The following BPTF variants were observed in gnomAD, a reference collection of about 807,000 sequenced individuals.
BPTF encodes bromodomain PHD finger transcription factor, also known as nucleosome-remodeling factor subunit BPTF.
In BPTF, 18 loss-of-function variants were observed where a neutral mutation model predicts 292.5. The observed-to-expected ratio is 0.06, with a 90% CI of 0.04 to 0.09. The LOEUF is 0.09. Ranked by LOEUF, BPTF falls within the 10% of genes least tolerant of loss-of-function variation. The pLI is 1.00. For synonymous variants in BPTF, 1,225 were observed against 1,251.9 expected, an observed-to-expected ratio of 0.98 and a Z score of 0.45; for missense variants, 2,726 against 3,498.7, an observed-to-expected ratio of 0.78 and a Z score of 5.57.
intron 4 of BPTF, among the ~76,000 whole-genome samples, chr17:67,890,741 CTTAA>C (rs1221215175): frequency 2.0e-5 from 3 of 152,184 alleles, no homozygotes; most frequent in African/African-American, 4.8e-5. Context: ...ACAAAATTGT[CTTAA>C]TTATTTTCCC....
At chr17:67,953,160 A>G (rs1457391234) in intron 23 of BPTF, among the ~76,000 whole-genome samples, 1 of 151,148 alleles carries the variant, frequency 6.6e-6, no homozygotes, top group Non-Finnish European at 1.5e-5. Flanking sequence ...ACGGGGTTTC[A>G]CCATGTTAGC....
In BPTF at chr17:67,825,838, G is replaced by T; in HGVS notation, c.114G>T (p.Gly38=). The change falls in exon 1 of 28, where the codon GGG becomes GGT. Residue 38 remains glycine (G), a synonymous_variant. Transcript: ENST00000306378. The part of the protein sequence containing the change: ...PPPPTSGPIG[G]LRSRHRGSSR... Reference sequence around the variant, plus strand: ...CGCCCACGTCCGGACCCATCGGGGGGCTCCGCTCGCGGCACCGCGGCAGCA... The same window carrying T: ...CGCCCACGTCCGGACCCATCGGGGGTCTCCGCTCGCGGCACCGCGGCAGCA... The T allele has an allele frequency of 9.8e-7, 1 of 1,016,490 alleles. No homozygotes were observed. The highest frequency in any genetic ancestry group is 1.2e-6 in the Non-Finnish European group (1 of 852,146). 63.0% of individuals were successfully genotyped at this position (1,016,490 alleles called of 1,614,324 possible).
chr17:67,979,269 C>T (rs4791212), intron 27 of BPTF, among the ~76,000 whole-genome samples: 29,366 of 150,420 alleles, frequency 0.2, 3,864 homozygotes, highest in East Asian at 0.67. Context: ...GACATTGGGC[C>T]GGGCACGGTG....
At chr17:67,937,631 G>C (rs1418201113) in intron 18 of BPTF, among the ~76,000 whole-genome samples, 4 of 152,102 alleles carry the variant, frequency 2.6e-5, no homozygotes, top group Non-Finnish European at 5.9e-5. Flanking sequence ...CCTGAGGCAG[G>C]AGTGGACCTG....
chr17:67,902,919 C>T (rs2061945871), intron 7 of BPTF, among the ~76,000 whole-genome samples: 1 of 152,202 alleles, frequency 6.6e-6, no homozygotes, highest in Non-Finnish European at 1.5e-5. Context: ...GAGCTCCTTT[C>T]TTTGTAGGTT....
intron 18 of BPTF, among the ~76,000 whole-genome samples, chr17:67,933,610 A>G (rs1022201536): frequency 1.3e-5 from 2 of 152,182 alleles, no homozygotes; most frequent in African/African-American, 4.8e-5. Context: ...GTTAAGGTAT[A>G]ATCTTGAATC....
chr17:67,955,100 T>C (rs1555680367), intron 23 of BPTF, among the ~76,000 whole-genome samples: 1 of 151,594 alleles, frequency 6.6e-6, no homozygotes, highest in Non-Finnish European at 1.5e-5. Flanking sequence ...CTATCCTGGC[T>C]AACATGGTGA....
chr17:67,828,926 G>T (rs1437350608), intron 1 of BPTF, among the ~76,000 whole-genome samples: 1 of 152,140 alleles, frequency 6.6e-6, no homozygotes, highest in East Asian at 1.9e-4. Context: ...TATTCCCCCT[G>T]CAGCTCCTGT....
At chr17:67,933,263 A>G (rs1026512816) in intron 18 of BPTF, among the ~76,000 whole-genome samples, 4 of 143,312 alleles carry the variant, frequency 2.8e-5, no homozygotes, top group African/African-American at 1.0e-4. Flanking sequence ...CGTCTGAAGG[A>G]AAAAAAAAAA....
intron 23 of BPTF, among the ~76,000 whole-genome samples, chr17:67,950,354 C>T (rs571329072): frequency 6.6e-6 from 1 of 152,080 alleles, no homozygotes; most frequent in East Asian, 1.9e-4. Flanking sequence ...AGAGATCTTC[C>T]AGTTAAAGTC....
chr17:67,925,982 T>A (rs913868877), intron 15 of BPTF, among the ~76,000 whole-genome samples: 2 of 138,656 alleles, frequency 1.4e-5, no homozygotes, highest in Non-Finnish European at 3.1e-5. Flanking sequence ...CAATGTAACC[T>A]AACATATTAC....
intron 12 of BPTF, among the ~76,000 whole-genome samples, chr17:67,919,213 AATAAT>A (rs1462482664): frequency 0.011 from 1,538 of 139,654 alleles, 32 homozygotes; most frequent in African/African-American, 0.04. Context: ...TAATAATAAT[AATAAT>A]AAAATATAAT....
At chr17:67,937,197 TAA>T in intron 18 of BPTF, among the ~76,000 whole-genome samples, 1 of 152,262 alleles carries the variant, frequency 6.6e-6, no homozygotes, top group South Asian at 2.1e-4. Context: ...AGCTCACGCC[TAA>T]TATACCAGCA....
intron 18 of BPTF, among the ~76,000 whole-genome samples, chr17:67,938,639 TC>T (rs2065117506): frequency 6.6e-6 from 1 of 152,280 alleles, no homozygotes; most frequent in South Asian, 2.1e-4. Context: ...AAAATAGACT[TC>T]CGTGTTACAA....
chr17:67,952,356 T>C (rs530374168), intron 23 of BPTF, among the ~76,000 whole-genome samples: 1 of 151,296 alleles, frequency 6.6e-6, no homozygotes, highest in Non-Finnish European at 1.5e-5. Context: ...CTCTGCCTGC[T>C]GGGTTCAAGC....
intron 1 of BPTF, among the ~76,000 whole-genome samples, chr17:67,837,408 G>A (rs2144176636): frequency 6.7e-6 from 1 of 150,236 alleles, no homozygotes; most frequent in East Asian, 1.9e-4. Flanking sequence ...GTGCTTATGT[G>A]TTTTGTTTTT....
Position 67,947,812 on chromosome 17 carries a change from G to A in BPTF, c.7700+4G>A, listed in dbSNP as rs1267327342. ...CTGAAAGAGAAGAGAATCAAAGGTAGGGGAGACGCAGGGTCTTGTTGTCTG... is the reference window on the plus strand; with the variant it reads ...CTGAAAGAGAAGAGAATCAAAGGTAAGGGAGACGCAGGGTCTTGTTGTCTG... On this transcript the variant is annotated splice_donor_region_variant and intron_variant, in intron 22 of 27. Transcript: ENST00000306378. The A allele has an allele frequency of 2.6e-6, 4 of 1,551,768 alleles. No individual in the cohort carries two copies. Among genetic ancestry groups the A allele is most frequent in the East Asian group, 2.4e-5 (1 of 40,974 alleles).
intron 11 of BPTF, among the ~76,000 whole-genome samples, chr17:67,913,572 A>C (rs1469215089): frequency 6.6e-6 from 1 of 152,198 alleles, no homozygotes; most frequent in East Asian, 1.9e-4. Context: ...GTAATTCATA[A>C]AAAATAAGAC....
At chr17:67,964,843 C>CA (rs1197308555) in intron 25 of BPTF, among the ~76,000 whole-genome samples, 3 of 150,410 alleles carry the variant, frequency 2.0e-5, no homozygotes, top group Non-Finnish European at 4.4e-5. Flanking sequence ...ACTAAAAATA[C>CA]AAAAAATTAG....
Sources: gnomAD v4.1 joint callset for allele counts (sites outside exome capture counted in the v4.1 genomes callset) on GRCh38, gnomAD v4.1.1 for gene constraint, MANE v1.5 for transcripts, NCBI Gene and HGNC (gene_info 2026-07-23, HGNC 2026-07-21) for gene names.